The following EGFR variants were observed in gnomAD, a reference collection of about 807,000 sequenced individuals.
EGFR encodes avian erythroblastic leukemia viral (v-erb-b) oncogene homolog.
A neutral mutation model predicts 143.0 loss-of-function variants in EGFR; 58 were observed. The observed-to-expected ratio is 0.41, with a 90% CI of 0.33 to 0.50. The LOEUF (loss-of-function observed/expected upper bound fraction) is 0.50. EGFR is among the 20% of genes least tolerant of loss of function. EGFR has a pLI of 0.39. For missense variants in EGFR, 1,307 were observed against 1,579.0 expected (o/e 0.83, Z 2.92); for synonymous variants, 613 against 594.4 (o/e 1.03, Z -0.45).
intron 1 of EGFR, among the ~76,000 whole-genome samples, chr7:55,072,337 G>A (rs551842880): frequency 1.8e-4 from 27 of 152,298 alleles, no homozygotes; most frequent in African/African-American, 4.6e-4. Context: ...ACAAAAGCAC[G>A]TTCATCAGAG....
chr7:55,171,624 T>C (rs1230595111), intron 16 of EGFR, among the ~76,000 whole-genome samples: 2 of 152,180 alleles, frequency 1.3e-5, no homozygotes, highest in South Asian at 2.1e-4. Flanking sequence ...ACCTCCAGCA[T>C]AGGGGAGTGT....
chr7:55,048,772 C>T (rs964332146), intron 1 of EGFR, among the ~76,000 whole-genome samples: 10 of 152,112 alleles, frequency 6.6e-5, no homozygotes, highest in East Asian at 3.9e-4. Context: ...GTCTGTGGCA[C>T]GGCTAGATAA....
At chr7:55,146,876 C>A in intron 4 of EGFR, 136 bp downstream of exon 4, 2 of 1,279,768 alleles carry the variant, frequency 1.6e-6, no homozygotes, top group Non-Finnish European at 2.2e-6. Context: ...AAATATCTGA[C>A]CACTAGAAAA....
chr7:55,191,349 GT>G (rs2128963915), intron 20 of EGFR, among the ~76,000 whole-genome samples: 1 of 152,168 alleles, frequency 6.6e-6, no homozygotes, highest in African/African-American at 2.4e-5. Context: ...GGAGGGCATG[GT>G]CCCCGCCACC....
chr7:55,072,486 C>T (rs1433064922), intron 1 of EGFR, among the ~76,000 whole-genome samples: 1 of 152,198 alleles, frequency 6.6e-6, no homozygotes, highest in Non-Finnish European at 1.5e-5. Context: ...GGGCTGCGGG[C>T]TGGATGAGGT....
intron 27 of EGFR, chr7:55,202,904 G>A (rs1159314609): frequency 1.6e-6 from 1 of 640,568 alleles, no homozygotes; most frequent in African/African-American, 1.8e-5. Context: ...ATACACATCT[G>A]TGTGTGTGAG....
chr7:55,195,690 G>A (rs1787585302), intron 22 of EGFR, among the ~76,000 whole-genome samples: 2 of 152,184 alleles, frequency 1.3e-5, no homozygotes, highest in South Asian at 4.2e-4. Flanking sequence ...CCGTCCTATA[G>A]ACCCCAGTGT....
At chr7:55,028,530 C>T (rs925754341) in intron 1 of EGFR, among the ~76,000 whole-genome samples, 1 of 152,108 alleles carries the variant, frequency 6.6e-6, no homozygotes, top group African/African-American at 2.4e-5. Flanking sequence ...TGTTTATTTA[C>T]CAGCAATCAT....
intron 1 of EGFR, among the ~76,000 whole-genome samples, chr7:55,086,640 G>A (rs1268273259): frequency 3.3e-5 from 5 of 152,256 alleles, no homozygotes; most frequent in African/African-American, 1.2e-4. Context: ...CCGCTGGCCA[G>A]CAGGCAGGCC....
At chr7:55,071,014 T>C (rs113500269) in intron 1 of EGFR, among the ~76,000 whole-genome samples, 58 of 152,356 alleles carry the variant, frequency 3.8e-4, no homozygotes, top group African/African-American at 1.3e-3. Flanking sequence ...AGGTAAGGCC[T>C]GTGCCAAACG....
At chr7:55,039,336 G>A (rs1167875437) in intron 1 of EGFR, among the ~76,000 whole-genome samples, 4 of 152,192 alleles carry the variant, frequency 2.6e-5, no homozygotes, top group African/African-American at 7.2e-5. Context: ...TGCTGTAAGG[G>A]GAATCTCAAA....
chr7:55,040,453 G>T (rs1167551289), intron 1 of EGFR, among the ~76,000 whole-genome samples: 1 of 152,100 alleles, frequency 6.6e-6, no homozygotes, highest in African/African-American at 2.4e-5. Flanking sequence ...TTAGCAAGGA[G>T]CTTTGGTTAA....
At position 55,181,286 on chromosome 7, in the gene EGFR, C is replaced by T. The variant is rs2128958190; in HGVS notation, c.2284-7C>T. On this transcript the variant is annotated splice_region_variant and splice_polypyrimidine_tract_variant and intron_variant, in intron 19 of 27. Coordinates refer to ENST00000275493, the MANE Select transcript of EGFR (RefSeq NM_005228.5). ...AGCCACACTGACGTGCCTCTCCCTCCCTCCAGGAAGCCTACGTGATGGCCA... is the reference window on the plus strand; with the variant it reads ...AGCCACACTGACGTGCCTCTCCCTCTCTCCAGGAAGCCTACGTGATGGCCA... 3 of 1,614,088 alleles carry T rather than the reference C, an allele frequency of 1.9e-6. No homozygotes were observed. The highest frequency in any genetic ancestry group is 2.5e-6 in the Non-Finnish European group (3 of 1,180,042).
chr7:55,100,623 C>T lies in EGFR; in HGVS notation c.89-41663C>T, dbSNP rs895246282. Reference sequence around the variant, plus strand: ...GGCTTTGAAAGGGGACCTCCACTTCCGCCCTGGGTGGAGCACCGTGCTGGA... The same window carrying T: ...GGCTTTGAAAGGGGACCTCCACTTCTGCCCTGGGTGGAGCACCGTGCTGGA... On this transcript the variant is annotated intron_variant, in intron 1 of 27. Transcript: ENST00000275493. Among the ~76,000 whole-genome samples the T allele has an allele frequency of 4.6e-5, 7 of 152,352 alleles. No individual in the cohort carries two copies. In the East Asian group the frequency reaches 7.7e-4, roughly 17 times the overall value.
intron 16 of EGFR, 45 bp downstream of exon 16, chr7:55,171,258 A>T: frequency 6.2e-7 from 1 of 1,611,810 alleles, no homozygotes. Context: ...GTCAAGAATG[A>T]CCACACTGCT....
At chr7:55,165,597 T>G (rs887947660) in intron 15 of EGFR, among the ~76,000 whole-genome samples, 160 bp downstream of exon 15, 37 of 152,322 alleles carry the variant, frequency 2.4e-4, no homozygotes, top group African/African-American at 8.9e-4. Context: ...GCAACTTGCT[T>G]GTGAGCAGGC....
intron 11 of EGFR, among the ~76,000 whole-genome samples, chr7:55,158,683 A>G (rs183476446): frequency 4.6e-5 from 7 of 152,366 alleles, no homozygotes; most frequent in Admixed American, 6.5e-5. Flanking sequence ...TACTTTTCAC[A>G]TTTAATGAGA....
intron 1 of EGFR, among the ~76,000 whole-genome samples, chr7:55,134,254 G>A (rs1000122637): frequency 1.3e-5 from 2 of 150,454 alleles, no homozygotes; most frequent in African/African-American, 2.5e-5. Context: ...GCCCACCCGA[G>A]CCACATCCAG....
In EGFR at chr7:55,082,623, C is replaced by A. The variant is rs188670585; in HGVS notation, c.89-59663C>A. Among the ~76,000 whole-genome samples, 101 of 152,212 alleles carry A rather than the reference C, an allele frequency of 6.6e-4. 1 individual carries two copies. In the East Asian group the frequency reaches 0.016, roughly 25 times the overall value. On this transcript the variant is annotated intron_variant, in intron 1 of 27. Transcript: ENST00000275493. ...TTTTTTTCATTTCATGGTTCATTTTCGCTCCAGTGTAGACATACAATAGAC... is the reference window on the plus strand; with the variant it reads ...TTTTTTTCATTTCATGGTTCATTTTAGCTCCAGTGTAGACATACAATAGAC...
Sources: allele counts gnomAD v4.1 joint callset (sites outside exome capture counted in the v4.1 genomes callset), GRCh38; gene constraint gnomAD v4.1.1; transcripts MANE v1.5; gene names NCBI Gene and HGNC (gene_info 2026-07-23, HGNC 2026-07-21).